Variants in PACS2 observed in about 807,000 individuals in gnomAD.
The protein encoded by PACS2 is phosphofurin acidic cluster sorting protein 2.
In PACS2, 36 loss-of-function variants were observed where a neutral mutation model predicts 113.0. That is an observed-to-expected ratio of 0.32 (90% confidence interval 0.24 to 0.42). The LOEUF (loss-of-function observed/expected upper bound fraction) is 0.42. Among genes scored for constraint, PACS2 ranks in the 10% least tolerant of loss-of-function variants. The probability of loss-of-function intolerance (pLI) is 1.00; values close to 1 mark genes in which losing one functional copy is unlikely to be tolerated. For synonymous variants in PACS2, 589 were observed against 536.1 expected (o/e 1.10, Z -1.36); for missense variants, 1,015 against 1,239.5 (o/e 0.82, Z 2.72).
Position 105,395,498 on chromosome 14 carries a change from G to A in PACS2, c.*826G>A, listed in dbSNP as rs587761006. On this transcript the variant is annotated 3_prime_UTR_variant, in exon 25 of 25. Transcript: ENST00000447393. ...TGGTACATAGTGAGATGCTGCTGGG[G>A]TTGGCCTGAGGTGGGGGCCACTTCC... 7.9e-5 allele frequency: 12 copies of A among 152,442 alleles called. No individual in the cohort carries two copies. Among genetic ancestry groups the A allele is most frequent in the African/African-American group, 2.6e-4 (11 of 41,578 alleles). The allele number at this position is 152,442 out of a possible 1,614,324, so 9.4% of individuals were successfully genotyped here.
chr14:105,386,932 C>G (rs1160891271), intron 19 of PACS2, among the ~76,000 whole-genome samples: 2 of 152,202 alleles, frequency 1.3e-5, no homozygotes, highest in African/African-American at 2.4e-5. Context: ...CATGTTCTGG[C>G]CGCCCGGCCG....
At chr14:105,327,068 T>C (rs2059139602) in intron 1 of PACS2, among the ~76,000 whole-genome samples, 1 of 152,232 alleles carries the variant, frequency 6.6e-6, no homozygotes, top group Non-Finnish European at 1.5e-5. Flanking sequence ...GCGTGGCTTA[T>C]GTTTATAAAT....
chr14:105,343,563 A>G (rs2059812668), intron 1 of PACS2, among the ~76,000 whole-genome samples: 1 of 152,070 alleles, frequency 6.6e-6, no homozygotes, highest in Non-Finnish European at 1.5e-5. Context: ...AAGCCATTCT[A>G]ATAGGTGTAG....
chr14:105,349,095 T>A lies in PACS2; in HGVS notation c.207+515T>A, dbSNP rs1439610923. 3.9e-5 allele frequency among the ~76,000 whole-genome samples: 6 copies of A among 152,250 alleles called. No homozygotes were observed. In the East Asian group the frequency reaches 9.7e-4, roughly 25 times the overall value. On this transcript the variant is annotated intron_variant, in intron 2 of 24. Coordinates refer to ENST00000447393, the MANE Select transcript of PACS2 (RefSeq NM_001100913.3). Reference sequence around the variant, plus strand: ...CGGTTCCAGAGGGGTCATGCTGGTGTCTTCCCCATGCCTGGCCCAGGCCCC... The same window carrying A: ...CGGTTCCAGAGGGGTCATGCTGGTGACTTCCCCATGCCTGGCCCAGGCCCC...
At chr14:105,369,368 G>C (rs1555408759) in intron 7 of PACS2, among the ~76,000 whole-genome samples, 1 of 152,212 alleles carries the variant, frequency 6.6e-6, no homozygotes, top group South Asian at 2.1e-4. Context: ...CCGAGAGGGT[G>C]GCTGAGGGTC....
intron 1 of PACS2, among the ~76,000 whole-genome samples, chr14:105,320,001 CAG>C (rs934756384): frequency 5.9e-5 from 9 of 152,226 alleles, no homozygotes; most frequent in African/African-American, 2.2e-4. Flanking sequence ...CTTTTTGAGA[CAG>C]AGTCTCGCTC....
chr14:105,305,908 C>A (rs1208863771), intron 1 of PACS2, among the ~76,000 whole-genome samples: 1 of 152,244 alleles, frequency 6.6e-6, no homozygotes, highest in South Asian at 2.1e-4. Flanking sequence ...TCACTCGCAC[C>A]GCGCCAAAGA....
At chr14:105,333,010 TTCTCC>T (rs1052392324) in intron 1 of PACS2, among the ~76,000 whole-genome samples, 1 of 152,094 alleles carries the variant, frequency 6.6e-6, no homozygotes, top group Non-Finnish European at 1.5e-5. Context: ...GCGTCGTGGT[TTCTCC>T]TCTCTGTGGG....
intron 21 of PACS2, 87 bp downstream of exon 21, chr14:105,391,336 AC>A: frequency 9.7e-7 from 1 of 1,029,962 alleles, no homozygotes; most frequent in Non-Finnish European, 1.5e-6. Context: ...GACCAGATCA[AC>A]CTTTCAGGGC....
chr14:105,330,423 T>C lies in PACS2; in HGVS notation c.119+15386T>C, dbSNP rs918401962. 6.6e-6 allele frequency among the ~76,000 whole-genome samples: 1 copy of C among 152,178 alleles called. No homozygotes were observed. The highest frequency in any genetic ancestry group is 1.5e-5 in the Non-Finnish European group (1 of 68,028). ...GGCGTGTGGGTTCCGGGAGGCTCAC[T>C]ATAGTGATGTCCTGCCTTAGACGAG... On this transcript the variant is annotated intron_variant, in intron 1 of 24. Transcript: ENST00000447393. This position sits in a 1 kb window ranked among gnomAD's most constrained non-coding sequence, Gnocchi z 6.9.
At chr14:105,312,811 G>A (rs903913002), upstream of PACS2, among the ~76,000 whole-genome samples, 4 of 152,176 alleles carry the variant, frequency 2.6e-5, no homozygotes, top group South Asian at 2.1e-4. Context: ...AAACATAAAC[G>A]TGGTCGCAGG....
intron 18 of PACS2, 91 bp downstream of exon 18, chr14:105,385,078 G>A (rs1245982712): frequency 8.4e-6 from 7 of 836,948 alleles, no homozygotes; most frequent in Admixed American, 6.1e-5. Context: ...GCTTGGCCTG[G>A]TGGGCCGCAG....
At chr14:105,392,924 A>T (rs782569442) in intron 23 of PACS2, 79 bp downstream of exon 23, 144 of 1,180,338 alleles carry the variant, frequency 1.2e-4, no homozygotes, top group Middle Eastern at 5.5e-4. Flanking sequence ...GTCAACAGGG[A>T]TGACAGCCCC....
intron 19 of PACS2, chr14:105,389,516 TC>T (rs781984414): frequency 4.7e-5 from 9 of 191,354 alleles, no homozygotes; most frequent in Non-Finnish European, 8.8e-5. Context: ...CCCAGGCTCT[TC>T]CTGGGAGTCC....
intron 17 of PACS2, 30 bp downstream of exon 17, chr14:105,384,493 C>A: frequency 2.7e-6 from 4 of 1,477,092 alleles, no homozygotes; most frequent in Non-Finnish European, 3.8e-6. Flanking sequence ...ACAGCCCACG[C>A]CACGGCGGGA....
chr14:105,348,387 C>A lies in PACS2; in HGVS notation c.120-106C>A. The A allele has an allele frequency of 1.2e-6, 1 of 801,634 alleles. No individual in the cohort carries two copies. The allele number at this position is 801,634 out of a possible 1,614,324, so 49.7% of individuals were successfully genotyped here. A position where few individuals can be genotyped will look rare whatever the true frequency, so the allele number is the denominator to read the frequency against. ...GCCCAGGCAGTCACACCCCGCCCTG[C>A]ACCCCAGGGTGCAGGCTCCCGGGGT... On this transcript the variant is annotated intron_variant, in intron 1 of 24. Transcript: ENST00000447393. This position sits in a 1 kb window ranked among gnomAD's most constrained non-coding sequence, Gnocchi z 6.4.
rs587621458 is a variant in PACS2 at position 105,317,275 on chromosome 14, T to A, written c.119+2238T>A. On this transcript the variant is annotated intron_variant, in intron 1 of 24. Coordinates refer to ENST00000447393, the MANE Select transcript of PACS2 (RefSeq NM_001100913.3). This position sits in a 1 kb window ranked among gnomAD's most constrained non-coding sequence, Gnocchi z 4.2. ...GTTTTTTGGTTAATTACAAGCCCCG[T>A]GCTGCTGTGGACATCGTGTGCCAGT... Among the ~76,000 whole-genome samples, 3 of 152,324 alleles carry A rather than the reference T, an allele frequency of 2.0e-5. No individual in the cohort carries two copies. The South Asian group carries it at 6.2e-4, about 32-fold the overall frequency.
chr14:105,347,356 C>T (rs1055608834), intron 1 of PACS2, among the ~76,000 whole-genome samples: 1 of 152,076 alleles, frequency 6.6e-6, no homozygotes, highest in Admixed American at 6.5e-5. Context: ...CCTGGGACTG[C>T]CTTCCCACCG....
chr14:105,378,306 A>G (rs587768112), intron 9 of PACS2, among the ~76,000 whole-genome samples: 75 of 152,304 alleles, frequency 4.9e-4, no homozygotes, highest in Non-Finnish European at 8.7e-4. Context: ...TCTCGGGGCT[A>G]TGATCTTGAA....
Sources: gnomAD v4.1 joint callset for allele counts (sites outside exome capture counted in the v4.1 genomes callset) on GRCh38, gnomAD v4.1.1 for gene constraint, Gnocchi (gnomAD v3.1) non-coding constraint, MANE v1.5 for transcripts, NCBI Gene and HGNC (gene_info 2026-07-23, HGNC 2026-07-21) for gene names.